The following NACC2 variants were observed in gnomAD, a reference collection of about 807,000 sequenced individuals.
NACC2 encodes NACC family member 2, also known as nucleus accumbens-associated protein 2.
NACC2 carries 8 observed loss-of-function variants against 25.1 expected under a neutral mutation model. That is an observed-to-expected ratio of 0.32 (90% CI 0.19 to 0.57). The LOEUF (loss-of-function observed/expected upper bound fraction) is 0.57, where lower values mean the gene tolerates loss of function less well. Ranked by LOEUF, NACC2 falls within the 20% of genes least tolerant of loss-of-function variation. NACC2 has a pLI of 0.89. For missense variants in NACC2, 644 were observed against 650.2 expected, an observed-to-expected ratio of 0.99 and a Z score of 0.10; for synonymous variants, 435 against 294.7, an observed-to-expected ratio of 1.48 and a Z score of -4.88.
intron 3 of NACC2, among the ~76,000 whole-genome samples, chr9:136,015,963 C>T (rs984735218): frequency 2.6e-5 from 4 of 152,144 alleles, no homozygotes; most frequent in Non-Finnish European, 4.4e-5. Context: ...CCTCGCGGGG[C>T]GGGGGGACTG....
intron 2 of NACC2, among the ~76,000 whole-genome samples, chr9:136,024,205 A>G (rs1388537549): frequency 6.5e-5 from 6 of 92,718 alleles, no homozygotes; most frequent in South Asian, 3.7e-4. Context: ...GTGTGAGGAC[A>G]GAGTGTGTGT....
chr9:136,015,550 G>A (rs1840186875), intron 3 of NACC2, among the ~76,000 whole-genome samples: 1 of 152,166 alleles, frequency 6.6e-6, no homozygotes, highest in Non-Finnish European at 1.5e-5. Context: ...GGAAGACCCC[G>A]AGACGCTGCC....
intron 2 of NACC2, among the ~76,000 whole-genome samples, chr9:136,045,579 G>A (rs1017111019): frequency 4.6e-5 from 7 of 152,322 alleles, no homozygotes; most frequent in African/African-American, 9.6e-5. Flanking sequence ...GGGTGTGGGC[G>A]CAGGTCCGGG....
At chr9:136,014,107 G>A (rs1486562016) in intron 3 of NACC2, 138 bp from the exon 4 acceptor site, 1 of 655,648 alleles carries the variant, frequency 1.5e-6, no homozygotes, top group African/African-American at 1.8e-5. Context: ...TTTTTGGGGA[G>A]GAGCAATTTG....
In NACC2 at chr9:136,093,756, C is replaced by G. The variant is rs371800379; in HGVS notation, c.-60+1433G>C. ...AAGGGAGGGGCTGGGAAAGGCCCCA[C>G]AGAGGACCAGAGGGGTGCTCCAACG... On this transcript the variant is annotated intron_variant, in intron 1 of 5. Transcript: ENST00000277554. 6.1e-4 allele frequency among the ~76,000 whole-genome samples: 90 copies of G among 146,996 alleles called. No homozygotes were observed. The East Asian group carries it at 0.015, about 24-fold the overall frequency.
chr9:136,060,721 C>T (rs1468223572), intron 1 of NACC2, among the ~76,000 whole-genome samples: 3 of 152,250 alleles, frequency 2.0e-5, no homozygotes, highest in Admixed American at 1.3e-4. Context: ...GCGTGAGAAA[C>T]ATAGCCGGTG....
intron 2 of NACC2, among the ~76,000 whole-genome samples, chr9:136,036,088 T>C (rs1395993825): frequency 6.6e-6 from 1 of 152,190 alleles, no homozygotes; most frequent in Non-Finnish European, 1.5e-5. Context: ...GCTACTTACG[T>C]GTCTGACAAA....
At chr9:136,016,466 TG>T in intron 2 of NACC2, 37 bp from the exon 3 acceptor site, 1 of 1,609,018 alleles carries the variant, frequency 6.2e-7, no homozygotes. Context: ...GATGGGCATC[TG>T]GGGGGCCGGG....
chr9:136,038,106 G>A (rs1229513246), intron 2 of NACC2, among the ~76,000 whole-genome samples: 1 of 152,184 alleles, frequency 6.6e-6, no homozygotes, highest in Non-Finnish European at 1.5e-5. Context: ...CCATCTATAA[G>A]CCAGGAAACA....
At chr9:136,073,539 G>A (rs1014346861) in intron 1 of NACC2, among the ~76,000 whole-genome samples, 2 of 152,148 alleles carry the variant, frequency 1.3e-5, no homozygotes, top group East Asian at 3.8e-4. Flanking sequence ...CTGCCCATCA[G>A]GGGAGAAGAG....
At chr9:136,066,743 A>G (rs1841087187) in intron 1 of NACC2, among the ~76,000 whole-genome samples, 3 of 152,204 alleles carry the variant, frequency 2.0e-5, no homozygotes, top group Admixed American at 2.0e-4. Flanking sequence ...AATGTCTATC[A>G]CGGGCTGAAT....
At chr9:136,014,043 G>A (rs535108273) in intron 3 of NACC2, 74 bp from the exon 4 acceptor site, 4 of 710,358 alleles carry the variant, frequency 5.6e-6, no homozygotes, top group Non-Finnish European at 8.7e-6. Flanking sequence ...ACAGATGGGT[G>A]AGGGGGAGGG....
rs58207305 is a variant in NACC2 at position 136,007,392 on chromosome 9, CAG to C, written c.*4122_*4123del. The C allele has an allele frequency of 0.055, 8,053 of 145,684 alleles. 451 individuals carry two copies. The highest frequency in any genetic ancestry group is 0.14 in the African/African-American group (5,590 of 39,906). The allele number at this position is 145,684 out of a possible 1,614,324, so 9.0% of individuals were successfully genotyped here. A position where few individuals can be genotyped will look rare whatever the true frequency, so the allele number is the denominator to read the frequency against. On this transcript the variant is annotated 3_prime_UTR_variant, in exon 6 of 6. Coordinates refer to ENST00000277554, the MANE Select transcript of NACC2 (RefSeq NM_144653.5). Reference sequence around the variant, plus strand: ...GTGCACACATACACAGACACGCGTGCAGAGACACGCACGTGCACACAGACGCG... The same window carrying C: ...GTGCACACATACACAGACACGCGTGCAGACACGCACGTGCACACAGACGCG...
At position 136,013,775 on chromosome 9, in the gene NACC2, A is replaced by C. The variant is rs1840151645; in HGVS notation, c.1157+89T>G. ...AATGCGAGAGGGCTTTCAATGCCACAACCCTGGACGATCAGACAGCTCATA... is the reference window on the plus strand; with the variant it reads ...AATGCGAGAGGGCTTTCAATGCCACCACCCTGGACGATCAGACAGCTCATA... On this transcript the variant is annotated intron_variant, in intron 4 of 5. Coordinates refer to ENST00000277554, the MANE Select transcript of NACC2 (RefSeq NM_144653.5). This position sits in a 1 kb window ranked among gnomAD's most constrained non-coding sequence, Gnocchi z 6.6. The C allele has an allele frequency of 8.3e-7, 1 of 1,208,410 alleles. No individual in the cohort carries two copies. The highest frequency in any genetic ancestry group is 2.1e-5 in the Admixed American group (1 of 46,970). The allele number at this position is 1,208,410 out of a possible 1,614,324, so 74.9% of individuals were successfully genotyped here. A position where few individuals can be genotyped will look rare whatever the true frequency, so the allele number is the denominator to read the frequency against.
At position 136,084,153 on chromosome 9, in the gene NACC2, C is replaced by G. The variant is rs558327136; in HGVS notation, c.-60+11036G>C. On this transcript the variant is annotated intron_variant, in intron 1 of 5. Transcript: ENST00000277554. This position sits in a 1 kb window ranked among gnomAD's most constrained non-coding sequence, Gnocchi z 5.1. ...ACATGGATCCAGCCAGGAGGGGACC[C>G]GTCTTTCCAGGAGCAGTGGGTTCCG... is the stretch of plus-strand genomic sequence containing the variant. Among the ~76,000 whole-genome samples, 2 of 152,058 alleles carry G rather than the reference C, an allele frequency of 1.3e-5. No homozygotes were observed. Among genetic ancestry groups the G allele is most frequent in the Non-Finnish European group, 2.9e-5 (2 of 67,996 alleles).
chr9:136,062,638 G>A (rs138863603), intron 1 of NACC2, among the ~76,000 whole-genome samples: 1 of 152,224 alleles, frequency 6.6e-6, no homozygotes, highest in African/African-American at 2.4e-5. Flanking sequence ...ATACAGGCTG[G>A]GCACAGTGGC....
At chr9:136,038,770 G>A (rs1043462502) in intron 2 of NACC2, among the ~76,000 whole-genome samples, 19 of 152,136 alleles carry the variant, frequency 1.2e-4, no homozygotes, top group Admixed American at 2.0e-4. Context: ...AGTTATGCAC[G>A]AGGGGCATCG....
Position 136,012,010 on chromosome 9 carries a change from A to T in NACC2, c.1270T>A (p.Phe424Ile). 6.3e-7 allele frequency: 1 copy of T among 1,588,772 alleles called. No homozygotes were observed. Among genetic ancestry groups the T allele is most frequent in the Non-Finnish European group, 8.6e-7 (1 of 1,168,542 alleles). ...TCGCTCTCCTTGAAGCTGGGGGCGA[A>T]GTTCTGACAGTACACTGTGAGGACG... is the stretch of plus-strand genomic sequence containing the variant. Reference protein sequence around the residue: ...LNAVKLYCQNFAPSFKESEMN... With the variant: ...LNAVKLYCQNIAPSFKESEMN... Residue 424 changes from phenylalanine (F) to isoleucine (I), a missense_variant, in exon 6 of 6, where the codon TTC becomes ATC. Physicochemically the swap from Phe to Ile is conservative, Grantham distance 21. Transcript: ENST00000277554.
At chr9:136,023,307 C>G (rs1299481720) in intron 2 of NACC2, among the ~76,000 whole-genome samples, 1 of 151,786 alleles carries the variant, frequency 6.6e-6, no homozygotes, top group African/African-American at 2.4e-5. Flanking sequence ...GCTCCCGACG[C>G]GAGGGGCCGG....
Sources: gnomAD v4.1 joint callset for allele counts (sites outside exome capture counted in the v4.1 genomes callset) on GRCh38, gnomAD v4.1.1 for gene constraint, Gnocchi (gnomAD v3.1) non-coding constraint, MANE v1.5 for transcripts, NCBI Gene and HGNC (gene_info 2026-07-23, HGNC 2026-07-21) for gene names.